FRMD4A: variants seen among roughly 807,000 people sequenced by gnomAD.
The protein encoded by FRMD4A is FERM domain containing 4A, also known as FERM domain-containing protein 4A.
In FRMD4A, 29 loss-of-function variants were observed where a neutral mutation model predicts 129.1. That is an observed-to-expected ratio of 0.22 (90% CI 0.17 to 0.31). The LOEUF (loss-of-function observed/expected upper bound fraction) is 0.31. FRMD4A is among the 10% of genes least tolerant of loss of function. The probability of loss-of-function intolerance (pLI) is 1.00; values close to 1 mark genes in which losing one functional copy is unlikely to be tolerated. For synonymous variants in FRMD4A, 634 were observed against 571.6 expected (o/e 1.11, Z -1.56); for missense variants, 1,272 against 1,375.8 (o/e 0.92, Z 1.19).
At chr10:14,249,741 C>T (rs1050873145) in intron 2 of FRMD4A, among the ~76,000 whole-genome samples, 5 of 152,088 alleles carry the variant, frequency 3.3e-5, no homozygotes, top group East Asian at 1.9e-4. Context: ...TAAACGTTCC[C>T]GATAAGGGAT....
At chr10:14,059,407 G>A (rs1834698795) in intron 2 of FRMD4A, among the ~76,000 whole-genome samples, 1 of 152,194 alleles carries the variant, frequency 6.6e-6, no homozygotes, top group Non-Finnish European at 1.5e-5. Flanking sequence ...TCATATGGGT[G>A]AGGCCCTGAT....
chr10:13,960,355 T>A (rs552920601), intron 2 of FRMD4A, among the ~76,000 whole-genome samples: 61 of 152,358 alleles, frequency 4.0e-4, no homozygotes, highest in Middle Eastern at 3.4e-3. Flanking sequence ...TTGTTCTCTA[T>A]TCATCATTTC....
chr10:14,213,640 G>A (rs1842990779), intron 2 of FRMD4A, among the ~76,000 whole-genome samples: 1 of 152,192 alleles, frequency 6.6e-6, no homozygotes, highest in African/African-American at 2.4e-5. Context: ...GGTAAAGCAT[G>A]GCAGCAAGCC....
chr10:14,190,678 A>G (rs1454122108), intron 2 of FRMD4A, among the ~76,000 whole-genome samples: 2 of 152,226 alleles, frequency 1.3e-5, no homozygotes, highest in African/African-American at 4.8e-5. Context: ...GAGCCCCGGC[A>G]TCTGTCAACA....
rs59271113 is a variant in FRMD4A, at chr10:13,848,609, C to CGTGTGTGTGTGT, written c.111+10226_111+10237dup. On this transcript the variant is annotated intron_variant, in intron 3 of 24. Coordinates refer to ENST00000357447, the MANE Select transcript of FRMD4A (RefSeq NM_018027.5). ...ACCTGGGTGTGAGTGTGTGTGTGTA[C>CGTGTGTGTGTGT]GTGTGTGTGTGTGTGTGTGTGTGTG... is the stretch of plus-strand genomic sequence containing the variant. Among the ~76,000 whole-genome samples the CGTGTGTGTGTGT allele has an allele frequency of 6.1e-3, 757 of 124,058 alleles. 1 individual carries two copies. Among genetic ancestry groups the CGTGTGTGTGTGT allele is most frequent in the Non-Finnish European group, 8.2e-3 (453 of 55,362 alleles). The allele number at this position is 124,058 out of a possible 152,430, so 81.4% of individuals were successfully genotyped here. A position where few individuals can be genotyped will look rare whatever the true frequency, so the allele number is the denominator to read the frequency against.
intron 2 of FRMD4A, among the ~76,000 whole-genome samples, chr10:14,213,239 G>C (rs1010946250): frequency 6.6e-6 from 1 of 152,100 alleles, no homozygotes; most frequent in Non-Finnish European, 1.5e-5. Flanking sequence ...GAAAGACCCT[G>C]TCTCTAAATA....
At chr10:13,838,659 A>G (rs2130965422) in intron 3 of FRMD4A, among the ~76,000 whole-genome samples, 1 of 152,060 alleles carries the variant, frequency 6.6e-6, no homozygotes, top group Non-Finnish European at 1.5e-5. Context: ...CGCCCAGCTA[A>G]TTGTTGTATT....
intron 5 of FRMD4A, among the ~76,000 whole-genome samples, chr10:13,784,569 G>T (rs2092809592): frequency 6.6e-6 from 1 of 152,212 alleles, no homozygotes. Flanking sequence ...GATACTTTTA[G>T]ATTCCACTGG....
chr10:14,106,269 C>T (rs1837582673), intron 2 of FRMD4A, among the ~76,000 whole-genome samples: 1 of 152,120 alleles, frequency 6.6e-6, no homozygotes, highest in Non-Finnish European at 1.5e-5. Context: ...TTGTCTGACC[C>T]CAGGAATAAG....
At chr10:13,832,462 C>T (rs976427938) in intron 3 of FRMD4A, among the ~76,000 whole-genome samples, 6 of 152,164 alleles carry the variant, frequency 3.9e-5, no homozygotes, top group Non-Finnish European at 5.9e-5. Context: ...TTAGAATCAG[C>T]GGGGCAGTTT....
Position 13,740,160 on chromosome 10 carries a change from G to C in FRMD4A, c.672+34C>G, listed in dbSNP as rs1198669841. Reference sequence around the variant, plus strand: ...TGTTTTGATTTGTTTGCTTAGGGGAGGTTTGGTAACCTTCACCAAATGAGT... The same window carrying C: ...TGTTTTGATTTGTTTGCTTAGGGGACGTTTGGTAACCTTCACCAAATGAGT... On this transcript the variant is annotated intron_variant, in intron 11 of 24. Transcript: ENST00000357447. The C allele has an allele frequency of 8.7e-6, 11 of 1,259,308 alleles. No homozygotes were observed. In the Admixed American group the frequency reaches 1.6e-4, roughly 18 times the overall value. The allele number at this position is 1,259,308 out of a possible 1,614,324, so 78.0% of individuals were successfully genotyped here. A position where few individuals can be genotyped will look rare whatever the true frequency, so the allele number is the denominator to read the frequency against.
chr10:14,040,928 C>T (rs1028789217), intron 2 of FRMD4A, among the ~76,000 whole-genome samples: 2 of 152,162 alleles, frequency 1.3e-5, no homozygotes, highest in East Asian at 3.8e-4. Flanking sequence ...ACGTCTATTA[C>T]CCACAAGCCC....
In FRMD4A at chr10:13,740,184, G is replaced by A. The variant is rs779971834; in HGVS notation, c.672+10C>T. On this transcript the variant is annotated intron_variant, in intron 11 of 24. Transcript: ENST00000357447. The stretch of plus-strand genomic sequence containing the variant: ...AGGTTTGGTAACCTTCACCAAATGA[G>A]TCTACTCACCTTCACTGCATAATAG... 5.8e-6 allele frequency: 9 copies of A among 1,539,594 alleles called. No homozygotes were observed. The highest frequency in any genetic ancestry group is 4.5e-5 in the East Asian group (2 of 44,574).
rs750995961 is a variant in FRMD4A, at chr10:13,656,970, G to A, written c.2619C>T (p.Tyr873=). The A allele has an allele frequency of 6.5e-7, 1 of 1,546,424 alleles. No individual in the cohort carries two copies. Among genetic ancestry groups the A allele is most frequent in the Middle Eastern group, 1.7e-4 (1 of 5,890 alleles). Residue 873 remains tyrosine (Y), a synonymous_variant, in exon 22 of 25, where the codon TAC becomes TAT. Coordinates refer to ENST00000357447, the MANE Select transcript of FRMD4A (RefSeq NM_018027.5). The stretch of plus-strand genomic sequence containing the variant: ...TCTCCTTGAACAGGCCGCCCGCCGT[G>A]TAGGAGTTGGACGTCTTGAACTGAG... The part of the protein sequence containing the change: ...VKAQFKTSNS[Y]TAGGLFKESW...
At chr10:14,153,925 T>C (rs1840468238) in intron 2 of FRMD4A, among the ~76,000 whole-genome samples, 1 of 152,236 alleles carries the variant, frequency 6.6e-6, no homozygotes, top group Non-Finnish European at 1.5e-5. Flanking sequence ...TCCTGGCAGA[T>C]GGCTCCGCCT....
intron 2 of FRMD4A, among the ~76,000 whole-genome samples, chr10:14,229,167 G>A (rs1843552663): frequency 6.6e-6 from 1 of 151,478 alleles, no homozygotes; most frequent in African/African-American, 2.4e-5. Flanking sequence ...AAGAGACCCT[G>A]AACTCATTTC....
rs729435 is a variant in FRMD4A at position 13,646,571 on chromosome 10, T to C, written c.*467A>G. On this transcript the variant is annotated 3_prime_UTR_variant, in exon 25 of 25. Transcript: ENST00000357447. ...TCGTCTTTCTGGGTCACCCTGTAAC[T>C]CAAGTCCCCTTTCCCGTTCTCTCCC... is the stretch of plus-strand genomic sequence containing the variant. The C allele has an allele frequency of 0.39, 59,683 of 152,154 alleles. 12,281 individuals are homozygous for C. The highest frequency in any genetic ancestry group is 0.79 in the East Asian group (4,059 of 5,146). 9.4% of individuals were successfully genotyped at this position (152,154 alleles called of 1,614,324 possible). A position where few individuals can be genotyped will look rare whatever the true frequency, so the allele number is the denominator to read the frequency against.
At chr10:13,775,425 A>T (rs534475922) in intron 6 of FRMD4A, among the ~76,000 whole-genome samples, 38 of 151,186 alleles carry the variant, frequency 2.5e-4, no homozygotes, top group African/African-American at 8.0e-4. Context: ...TCTGAGAGAA[A>T]TTTTTTTTTT....
intron 2 of FRMD4A, among the ~76,000 whole-genome samples, chr10:14,321,443 G>A (rs747787910): frequency 6.6e-6 from 1 of 152,028 alleles, no homozygotes. Context: ...ATTCAGAAGT[G>A]CACAGGCTTA....
Sources: allele counts gnomAD v4.1 joint callset (sites outside exome capture counted in the v4.1 genomes callset), GRCh38; gene constraint gnomAD v4.1.1; transcripts MANE v1.5; gene names NCBI Gene and HGNC (gene_info 2026-07-23, HGNC 2026-07-21).